DSE: variants seen among roughly 807,000 people sequenced by gnomAD.
DSE encodes the protein dermatan sulfate epimerase.
Under a neutral mutation model 84.4 loss-of-function variants are expected in DSE, and 36 were observed. The ratio of observed to expected loss-of-function variants is 0.43; its 90% CI spans 0.33 to 0.56. DSE has a LOEUF of 0.56. Ranked by LOEUF, DSE falls within the 20% of genes least tolerant of loss-of-function variation. The pLI is 0.06. For synonymous variants in DSE, 410 were observed against 430.1 expected, an observed-to-expected ratio of 0.95 and a Z score of 0.58; for missense variants, 862 against 1,169.6, an observed-to-expected ratio of 0.74 and a Z score of 3.84.
intron 2 of DSE, among the ~76,000 whole-genome samples, chr6:116,329,775 A>G (rs1339428926): frequency 1.3e-5 from 2 of 152,236 alleles, no homozygotes; most frequent in Non-Finnish European, 2.9e-5. Context: ...GTCAGAAAAC[A>G]TAAAGTGATT....
At position 116,274,342 on chromosome 6, in the gene DSE, G is replaced by A. The variant is rs1214600311; in HGVS notation, c.-54+15375G>A. Among the ~76,000 whole-genome samples the A allele has an allele frequency of 5.3e-5, 8 of 152,012 alleles. No homozygotes were observed. The East Asian group carries it at 7.9e-4, about 15-fold the overall frequency. On this transcript the variant is annotated intron_variant, in intron 2 of 3. Coordinates refer to the DSE transcript ENST00000430252. ...TTTGGGAGGCCGAGGCAGGCACATCGCCTGAGGTCGGGAGTTTGAGACCAG... is the reference window on the plus strand; with the variant it reads ...TTTGGGAGGCCGAGGCAGGCACATCACCTGAGGTCGGGAGTTTGAGACCAG...
At chr6:116,433,023 T>C (rs1419994470) in intron 4 of DSE, 3 of 303,192 alleles carry the variant, frequency 9.9e-6, no homozygotes, top group South Asian at 3.5e-5. Context: ...GGATGTCCCA[T>C]GTATATATGC....
chr6:116,390,683 T>G (rs940459170), intron 1 of DSE, among the ~76,000 whole-genome samples: 6 of 152,178 alleles, frequency 3.9e-5, no homozygotes, highest in Admixed American at 3.3e-4. Flanking sequence ...CAGAAGATCT[T>G]CAATTGTTAG....
chr6:116,391,505 G>C (rs1282035041), intron 1 of DSE, among the ~76,000 whole-genome samples: 1 of 152,150 alleles, frequency 6.6e-6, no homozygotes, highest in African/African-American at 2.4e-5. Flanking sequence ...TGTGGCTCAC[G>C]CCTGTAATCC....
intron 2 of DSE, among the ~76,000 whole-genome samples, chr6:116,335,087 C>T (rs773639050): frequency 3.3e-5 from 5 of 152,126 alleles, no homozygotes; most frequent in Admixed American, 6.5e-5. Context: ...ATGTTCATTG[C>T]AGCACTATTC....
chr6:116,294,959 A>G (rs1421025795), intron 2 of DSE, among the ~76,000 whole-genome samples: 1 of 152,186 alleles, frequency 6.6e-6, no homozygotes, highest in African/African-American at 2.4e-5. Flanking sequence ...TATAGTAAGT[A>G]TGATAAGTGA....
chr6:116,295,308 A>G (rs1774591832), intron 2 of DSE, among the ~76,000 whole-genome samples: 1 of 152,122 alleles, frequency 6.6e-6, no homozygotes, highest in Non-Finnish European at 1.5e-5. Flanking sequence ...GGAAGGCTTG[A>G]ATGTGGCTTG....
chr6:116,362,166 A>G (rs1468537200), intron 2 of DSE, among the ~76,000 whole-genome samples: 1 of 152,238 alleles, frequency 6.6e-6, no homozygotes, highest in Non-Finnish European at 1.5e-5. Flanking sequence ...AAAGGTTTAT[A>G]AATTCCCTAA....
chr6:116,318,804 C>A (rs1456300623), intron 2 of DSE, among the ~76,000 whole-genome samples: 1 of 152,182 alleles, frequency 6.6e-6, no homozygotes, highest in Admixed American at 6.5e-5. Flanking sequence ...AAATCAGCTT[C>A]TTTTCTACTT....
chr6:116,314,540 T>G (rs951135570), intron 2 of DSE, among the ~76,000 whole-genome samples: 2 of 152,218 alleles, frequency 1.3e-5, no homozygotes, highest in African/African-American at 2.4e-5. Context: ...CATTTTTGCT[T>G]TCCTGACTTC....
rs926566245 is a variant in DSE at position 116,438,098 on chromosome 6, A to G, written c.*753A>G. On this transcript the variant is annotated 3_prime_UTR_variant, in exon 6 of 6. Transcript: ENST00000644252. ...ACAGATAATACTGTATTTTCCTTAT[A>G]TGGAAAACCGTTATAGACCCAATAA... is the stretch of plus-strand genomic sequence containing the variant. 7 of 152,544 alleles carry G rather than the reference A, an allele frequency of 4.6e-5. No individual in the cohort carries two copies. The highest frequency in any genetic ancestry group is 7.2e-5 in the African/African-American group (3 of 41,442). The allele number at this position is 152,544 out of a possible 1,614,324, so 9.4% of individuals were successfully genotyped here.
At chr6:116,340,241 TC>T (rs1266645773) in intron 2 of DSE, among the ~76,000 whole-genome samples, 2 of 152,196 alleles carry the variant, frequency 1.3e-5, no homozygotes, top group African/African-American at 4.8e-5. Flanking sequence ...CTCTCTTGTT[TC>T]CTTCTGGAGC....
At chr6:116,393,155 G>T (rs1296092809) in intron 1 of DSE, among the ~76,000 whole-genome samples, 1 of 152,182 alleles carries the variant, frequency 6.6e-6, no homozygotes, top group Non-Finnish European at 1.5e-5. Flanking sequence ...GTCGCCTTTT[G>T]TATATGAAGA....
chr6:116,428,973 A>G (rs1044444282), intron 3 of DSE, among the ~76,000 whole-genome samples: 6 of 152,210 alleles, frequency 3.9e-5, no homozygotes, highest in Admixed American at 2.0e-4. Context: ...TTTGGTAGAC[A>G]TTGCCTCATG....
At chr6:116,426,434 G>T in intron 2 of DSE, 140 bp from the exon 3 acceptor site, 2 of 1,063,388 alleles carry the variant, frequency 1.9e-6, no homozygotes, top group East Asian at 2.5e-5. Context: ...CTAATGTGGA[G>T]GGAAGTCAGT....
At chr6:116,342,345 G>A (rs1426246704) in intron 2 of DSE, among the ~76,000 whole-genome samples, 1 of 150,460 alleles carries the variant, frequency 6.6e-6, no homozygotes, top group African/African-American at 2.5e-5. Flanking sequence ...CAATGGCGCG[G>A]TCTTGGCTCA....
In DSE at chr6:116,427,423, G is replaced by A. The variant is rs3777990; in HGVS notation, c.670+596G>A. On this transcript the variant is annotated intron_variant, in intron 3 of 5. Coordinates refer to ENST00000644252, the MANE Select transcript of DSE (RefSeq NM_013352.4). ...TCTATAAATGACTGATTAAGATTGT[G>A]TTTAAGAAAAGCAGCTCTGAGATCA... 9.3e-3 allele frequency among the ~76,000 whole-genome samples: 1,409 copies of A among 152,246 alleles called. 23 individuals are homozygous for A. Among genetic ancestry groups the A allele is most frequent in the South Asian group, 0.067 (325 of 4,832 alleles).
chr6:116,365,238 T>C (rs1391882109), intron 2 of DSE, among the ~76,000 whole-genome samples: 2 of 151,912 alleles, frequency 1.3e-5, no homozygotes, highest in Non-Finnish European at 2.9e-5. Flanking sequence ...TGGTACAGAC[T>C]ATAACTGGGG....
At chr6:116,348,895 T>G (rs1024875468) in intron 2 of DSE, among the ~76,000 whole-genome samples, 18 of 151,538 alleles carry the variant, frequency 1.2e-4, no homozygotes, top group Non-Finnish European at 2.1e-4. Context: ...AAACACCACA[T>G]GTTCTCACTC....
Sources: allele counts gnomAD v4.1 joint callset (sites outside exome capture counted in the v4.1 genomes callset), GRCh38; gene constraint gnomAD v4.1.1; transcripts MANE v1.5; gene names NCBI Gene and HGNC (gene_info 2026-07-23, HGNC 2026-07-21).